NUP205: variants seen among roughly 807,000 people sequenced by gnomAD.
NUP205 encodes nuclear pore complex protein Nup205.
Under a neutral mutation model 253.8 loss-of-function variants are expected in NUP205, and 76 were observed. The ratio of observed to expected loss-of-function variants is 0.30; its 90% CI spans 0.25 to 0.36. The LOEUF is 0.36. Ranked by LOEUF, NUP205 falls within the 10% of genes least tolerant of loss-of-function variation. The probability of loss-of-function intolerance (pLI) is 1.00; values close to 1 mark genes in which losing one functional copy is unlikely to be tolerated. For missense variants in NUP205, 2,162 were observed against 2,425.5 expected (o/e 0.89, Z 2.28); for synonymous variants, 832 against 850.1 (o/e 0.98, Z 0.37).
chr7:135,615,720 C>G (rs1011214519), intron 23 of NUP205, among the ~76,000 whole-genome samples, 196 bp from the exon 24 acceptor site: 1 of 152,018 alleles, frequency 6.6e-6, no homozygotes, highest in Non-Finnish European at 1.5e-5. Context: ...TAAATTTATA[C>G]TAGCTTATTT....
intron 22 of NUP205, among the ~76,000 whole-genome samples, chr7:135,613,482 T>C (rs34274344): frequency 0.12 from 18,878 of 151,910 alleles, 1,309 homozygotes; most frequent in Non-Finnish European, 0.17. Context: ...GTAACTCTTA[T>C]GGTTCTCAGA....
intron 3 of NUP205, among the ~76,000 whole-genome samples, chr7:135,574,883 A>G (rs1806109846): frequency 6.6e-6 from 1 of 152,230 alleles, no homozygotes. Context: ...AAAGTTTAAT[A>G]TGTCTAAAGA....
In NUP205 at chr7:135,586,594, A is replaced by G. The variant is rs1806471721; in HGVS notation, c.1219-981A>G. ...TTTACCTCCAATCACTGCTTTAGCT[A>G]TGCCACACAAATTTTGATATGTTGC... On this transcript the variant is annotated intron_variant, in intron 8 of 42. Coordinates refer to ENST00000285968, the MANE Select transcript of NUP205 (RefSeq NM_015135.3). Among the ~76,000 whole-genome samples the G allele has an allele frequency of 2.6e-5, 4 of 152,128 alleles. No individual in the cohort carries two copies. The South Asian group carries it at 8.3e-4, about 32-fold the overall frequency.
At chr7:135,607,041 G>GA in intron 21 of NUP205, 126 bp downstream of exon 21, 1 of 1,153,566 alleles carries the variant, frequency 8.7e-7, no homozygotes, top group East Asian at 2.4e-5. Flanking sequence ...TAATGTGATG[G>GA]ATGGGTCAGT....
chr7:135,626,091 G>T lies in NUP205; in HGVS notation c.4672-149G>T, dbSNP rs1377104423. 2.5e-5 allele frequency: 22 copies of T among 875,002 alleles called. No individual in the cohort carries two copies. The East Asian group carries it at 4.4e-4, about 18-fold the overall frequency. The allele number at this position is 875,002 out of a possible 1,614,324, so 54.2% of individuals were successfully genotyped here. A position where few individuals can be genotyped will look rare whatever the true frequency, so the allele number is the denominator to read the frequency against. The stretch of plus-strand genomic sequence containing the variant: ...TGAGTCCTCATGAAAATCCTAGGAA[G>T]AAAGCGGTATAATGTAACCTGTCAC... On this transcript the variant is annotated intron_variant, in intron 32 of 42. Transcript: ENST00000285968.
chr7:135,566,627 C>G (rs892340737), intron 1 of NUP205, among the ~76,000 whole-genome samples: 1 of 152,166 alleles, frequency 6.6e-6, no homozygotes, highest in Non-Finnish European at 1.5e-5. Context: ...GCTTTGCATC[C>G]TTCCCTAATC....
intron 30 of NUP205, among the ~76,000 whole-genome samples, chr7:135,621,956 C>T (rs1187307022): frequency 3.3e-5 from 5 of 151,922 alleles, no homozygotes; most frequent in Admixed American, 2.6e-4. Context: ...GTGTGCACCA[C>T]CACGCCCCAC....
intron 7 of NUP205, among the ~76,000 whole-genome samples, chr7:135,583,744 G>C (rs759775264): frequency 6.6e-6 from 1 of 152,134 alleles, no homozygotes; most frequent in Non-Finnish European, 1.5e-5. Context: ...GGGTGACAGA[G>C]CGAGACCCTG....
In NUP205 at chr7:135,577,369, C is replaced by T. The variant is rs900452140; in HGVS notation, c.648+241C>T. Among the ~76,000 whole-genome samples, 8 of 151,982 alleles carry T rather than the reference C, an allele frequency of 5.3e-5. 1 individual carries two copies. Among genetic ancestry groups the T allele is most frequent in the Non-Finnish European group, 7.4e-5 (5 of 68,010 alleles). On this transcript the variant is annotated intron_variant, in intron 5 of 42. Coordinates refer to ENST00000285968, the MANE Select transcript of NUP205 (RefSeq NM_015135.3). ...TGTAATAAATCATAATTAGCATATCCATCACCTCAAACGTTTATTATTTCT... is the reference window on the plus strand; with the variant it reads ...TGTAATAAATCATAATTAGCATATCTATCACCTCAAACGTTTATTATTTCT...
chr7:135,589,984 A>C (rs921004855), intron 10 of NUP205, among the ~76,000 whole-genome samples: 1 of 151,430 alleles, frequency 6.6e-6, no homozygotes, highest in African/African-American at 2.4e-5. Flanking sequence ...GAAAGCTAGC[A>C]GTAATGAAAA....
At chr7:135,576,552 T>A in intron 4 of NUP205, 138 bp downstream of exon 4, 1 of 736,004 alleles carries the variant, frequency 1.4e-6, no homozygotes, top group Non-Finnish European at 2.2e-6. Context: ...AAGACAGATA[T>A]AACAATTTAA....
chr7:135,616,183 A>T (rs1255006065), intron 24 of NUP205, 118 bp downstream of exon 24: 2 of 924,330 alleles, frequency 2.2e-6, no homozygotes, highest in East Asian at 2.8e-5. Context: ...CACTTTTAGA[A>T]TTTTTTTTTC....
At chr7:135,580,252 CT>C (rs1211497634) in intron 7 of NUP205, among the ~76,000 whole-genome samples, 1 of 152,064 alleles carries the variant, frequency 6.6e-6, no homozygotes, top group Non-Finnish European at 1.5e-5. Context: ...TTGCAGAAAG[CT>C]TTTTTTGTGT....
intron 1 of NUP205, among the ~76,000 whole-genome samples, chr7:135,569,254 G>A (rs1210730487): frequency 6.6e-6 from 1 of 152,064 alleles, no homozygotes; most frequent in Non-Finnish European, 1.5e-5. Flanking sequence ...GTATATTTTA[G>A]TAGAGATGGG....
chr7:135,568,930 AT>A (rs1364812976), intron 1 of NUP205, among the ~76,000 whole-genome samples: 1 of 152,176 alleles, frequency 6.6e-6, no homozygotes, highest in Non-Finnish European at 1.5e-5. Context: ...AAATTATTTT[AT>A]TGTTTGTGCC....
Position 135,585,017 on chromosome 7 carries a change from ATAAT to A in NUP205, c.1218+11_1218+14del, listed in dbSNP as rs753448859. ...ACTTATGCCAATGAAGGTAAGTGTA[ATAAT>A]GTAGGATGAGTAAATAGTAGAAGAA... On this transcript the variant is annotated intron_variant, in intron 8 of 42. Coordinates refer to ENST00000285968, the MANE Select transcript of NUP205 (RefSeq NM_015135.3). 78 of 1,579,562 alleles carry A rather than the reference ATAAT, an allele frequency of 4.9e-5. No individual in the cohort carries two copies. The highest frequency in any genetic ancestry group is 6.6e-5 in the Non-Finnish European group (76 of 1,153,682).
chr7:135,635,682 TAGC>T (rs1794796840), intron 36 of NUP205, 25 bp downstream of exon 36: 3 of 1,366,026 alleles, frequency 2.2e-6, no homozygotes, highest in South Asian at 2.4e-5. Context: ...TTTCTTTAAA[TAGC>T]AGTTATAAGA....
chr7:135,559,287 ATAT>A (rs1805515924), intron 1 of NUP205, among the ~76,000 whole-genome samples: 1 of 152,238 alleles, frequency 6.6e-6, no homozygotes, highest in South Asian at 2.1e-4. Flanking sequence ...TACATGCTTA[ATAT>A]TGCGGTCCTT....
intron 7 of NUP205, 55 bp downstream of exon 7, chr7:135,578,970 A>G: frequency 7.1e-7 from 1 of 1,404,642 alleles, no homozygotes; most frequent in East Asian, 2.4e-5. Context: ...GCACTTAATG[A>G]CATTTTTGGA....
Sources: allele counts gnomAD v4.1 joint callset (sites outside exome capture counted in the v4.1 genomes callset), GRCh38; gene constraint gnomAD v4.1.1; transcripts MANE v1.5; gene names NCBI Gene and HGNC (gene_info 2026-07-23, HGNC 2026-07-21).